ZNRF3: variants seen among roughly 807,000 people sequenced by gnomAD.
ZNRF3 encodes E3 ubiquitin-protein ligase ZNRF3.
ZNRF3 carries 23 observed loss-of-function variants against 72.5 expected under a neutral mutation model. That is an observed-to-expected ratio of 0.32 (90% CI 0.23 to 0.45). The LOEUF (loss-of-function observed/expected upper bound fraction) is 0.45, where lower values mean the gene tolerates loss of function less well. Among genes scored for constraint, ZNRF3 ranks in the 20% least tolerant of loss-of-function variants. The probability of loss-of-function intolerance (pLI) is 1.00; values close to 1 mark genes in which losing one functional copy is unlikely to be tolerated. For synonymous variants in ZNRF3, 610 were observed against 545.3 expected (o/e 1.12, Z -1.65); for missense variants, 1,169 against 1,272.1 (o/e 0.92, Z 1.23).
intron 2 of ZNRF3, among the ~76,000 whole-genome samples, chr22:28,992,104 G>T (rs1180899235): frequency 6.6e-6 from 1 of 152,152 alleles, no homozygotes; most frequent in African/African-American, 2.4e-5. Context: ...AGTGAGCCAT[G>T]ATCATGCCAC....
intron 2 of ZNRF3, among the ~76,000 whole-genome samples, chr22:29,040,181 T>C (rs1288550985): frequency 6.7e-6 from 1 of 149,882 alleles, no homozygotes; most frequent in African/African-American, 2.5e-5. Flanking sequence ...CTGCACCCCC[T>C]CCCCCTTTTT....
chr22:28,975,463 G>A lies in ZNRF3; in HGVS notation c.301-11613G>A, dbSNP rs190227333. Among the ~76,000 whole-genome samples the A allele has an allele frequency of 2.2e-3, 327 of 146,916 alleles. 1 individual carries two copies. The highest frequency in any genetic ancestry group is 7.6e-3 in the African/African-American group (300 of 39,240). The stretch of plus-strand genomic sequence containing the variant: ...GTTGTAGTGAGCCGAGATCGAGATC[G>A]GGCCACTGCACTCCAGCCTGGGAGA... On this transcript the variant is annotated intron_variant, in intron 1 of 8. Transcript: ENST00000544604.
intron 1 of ZNRF3, among the ~76,000 whole-genome samples, chr22:28,919,381 A>G (rs1030064119): frequency 6.6e-6 from 1 of 152,164 alleles, no homozygotes; most frequent in African/African-American, 2.4e-5. Flanking sequence ...TAATGATCTC[A>G]TTTATTCCTC....
At chr22:28,937,213 ATATTTT>A (rs1488222472) in intron 1 of ZNRF3, among the ~76,000 whole-genome samples, 6 of 4,226 alleles carry the variant, frequency 1.4e-3, no homozygotes, top group East Asian at 0.053. Context: ...ATATATATAT[ATATTTT>A]TTTTTTTTTT....
At chr22:29,031,370 C>CT (rs2036751749) in intron 2 of ZNRF3, 2 of 154,444 alleles carry the variant, frequency 1.3e-5, no homozygotes, top group African/African-American at 4.8e-5. Flanking sequence ...ACCCCCGTTC[C>CT]TGGCACCAGG....
intron 6 of ZNRF3, 107 bp downstream of exon 6, chr22:29,046,990 CT>C: frequency 1.8e-6 from 2 of 1,098,536 alleles, no homozygotes; most frequent in African/African-American, 1.6e-5. Context: ...CACACATCAA[CT>C]TTTAGAGTCA....
At chr22:29,002,010 C>T (rs997567) in intron 2 of ZNRF3, among the ~76,000 whole-genome samples, 40,105 of 152,054 alleles carry the variant, frequency 0.26, 6,570 homozygotes, top group Middle Eastern at 0.4. Flanking sequence ...AGAAGTGTTC[C>T]TCTCTCTTCA....
At chr22:28,911,268 C>T (rs541748018) in intron 1 of ZNRF3, among the ~76,000 whole-genome samples, 1 of 152,208 alleles carries the variant, frequency 6.6e-6, no homozygotes, top group Non-Finnish European at 1.5e-5. Context: ...GCTTTGAATG[C>T]CAGAAAAGGG....
chr22:28,977,397 G>T (rs189052515), intron 1 of ZNRF3, among the ~76,000 whole-genome samples: 26 of 152,270 alleles, frequency 1.7e-4, no homozygotes, highest in Admixed American at 1.7e-3. Context: ...AAGAGCAAAA[G>T]AATTGTCCGT....
At chr22:28,954,058 C>T (rs982269304) in intron 1 of ZNRF3, among the ~76,000 whole-genome samples, 3 of 152,168 alleles carry the variant, frequency 2.0e-5, no homozygotes, top group Non-Finnish European at 2.9e-5. Flanking sequence ...GCCTGGCACA[C>T]GGCTCACTCT....
chr22:28,898,608 A>G (rs1270037911), intron 1 of ZNRF3, among the ~76,000 whole-genome samples: 1 of 152,266 alleles, frequency 6.6e-6, no homozygotes, highest in East Asian at 1.9e-4. Context: ...TAGAAGTTCT[A>G]TGTAGCTTCA....
chr22:29,012,697 G>A (rs1885767948), intron 2 of ZNRF3, among the ~76,000 whole-genome samples: 1 of 152,154 alleles, frequency 6.6e-6, no homozygotes, highest in South Asian at 2.1e-4. Flanking sequence ...CTTACTACAG[G>A]ATGCTTGTGT....
chr22:29,013,905 G>A (rs1381489778), intron 2 of ZNRF3, among the ~76,000 whole-genome samples: 1 of 152,212 alleles, frequency 6.6e-6, no homozygotes, highest in African/African-American at 2.4e-5. Flanking sequence ...GGCCTGGTTA[G>A]GCTGGGCGCA....
intron 1 of ZNRF3, among the ~76,000 whole-genome samples, chr22:28,920,751 G>A (rs1458287394): frequency 5.9e-5 from 9 of 152,202 alleles, no homozygotes; most frequent in Admixed American, 5.9e-4. Context: ...GCTTTGTTAC[G>A]GTTGAAGGTC....
chr22:28,988,106 A>C (rs1487284200), intron 2 of ZNRF3, among the ~76,000 whole-genome samples: 3 of 152,160 alleles, frequency 2.0e-5, no homozygotes, highest in Non-Finnish European at 4.4e-5. Flanking sequence ...TTTAAACTGG[A>C]TTTTGTTTAG....
chr22:29,039,152 G>A (rs989735744), intron 2 of ZNRF3, among the ~76,000 whole-genome samples: 4 of 152,142 alleles, frequency 2.6e-5, no homozygotes, highest in Admixed American at 6.5e-5. Flanking sequence ...AACGTCTTTT[G>A]TGTCTCTCAA....
At chr22:29,039,784 C>CAAA (rs397976678) in intron 2 of ZNRF3, among the ~76,000 whole-genome samples, 20 of 85,308 alleles carry the variant, frequency 2.3e-4, no homozygotes, top group African/African-American at 8.0e-4. Flanking sequence ...TCGTCTCTAC[C>CAAA]AAAAAAAAAA....
intron 1 of ZNRF3, among the ~76,000 whole-genome samples, chr22:28,899,751 A>G (rs931718499): frequency 3.7e-5 from 5 of 134,396 alleles, no homozygotes; most frequent in Non-Finnish European, 6.2e-5. Flanking sequence ...GTGCAGTGGT[A>G]TGATCTTGGC....
At chr22:28,906,471 C>T (rs1300521001) in intron 1 of ZNRF3, among the ~76,000 whole-genome samples, 1 of 152,230 alleles carries the variant, frequency 6.6e-6, no homozygotes, top group African/African-American at 2.4e-5. Flanking sequence ...CATCTCAGCC[C>T]TGCTACTGAC....
Sources: allele counts gnomAD v4.1 joint callset (sites outside exome capture counted in the v4.1 genomes callset), GRCh38; gene constraint gnomAD v4.1.1; transcripts MANE v1.5; gene names NCBI Gene and HGNC (gene_info 2026-07-23, HGNC 2026-07-21).